The following ATP8B4 variants were observed in gnomAD, a reference collection of about 807,000 sequenced individuals.
The protein encoded by ATP8B4 is probable phospholipid-transporting ATPase IM.
A neutral mutation model predicts 145.6 loss-of-function variants in ATP8B4; 133 were observed. The ratio of observed to expected loss-of-function variants is 0.91; its 90% CI spans 0.79 to 1.05. The LOEUF (loss-of-function observed/expected upper bound fraction) is 1.05, where lower values mean the gene tolerates loss of function less well. Among genes scored for constraint, ATP8B4 ranks in the 50% least tolerant of loss-of-function variants. The pLI is 0.00. For missense variants in ATP8B4, 1,458 were observed against 1,425.2 expected, an observed-to-expected ratio of 1.02 and a Z score of -0.37; for synonymous variants, 507 against 492.9, an observed-to-expected ratio of 1.03 and a Z score of -0.38.
At chr15:50,027,043 C>T (rs1421557701) in intron 6 of ATP8B4, among the ~76,000 whole-genome samples, 2 of 152,156 alleles carry the variant, frequency 1.3e-5, no homozygotes, top group African/African-American at 4.8e-5. Flanking sequence ...TCTCACCCCA[C>T]CATTCCATTA....
chr15:50,109,679 G>A (rs56123457), intron 1 of ATP8B4, among the ~76,000 whole-genome samples: 12,803 of 151,698 alleles, frequency 0.084, 617 homozygotes, highest in Middle Eastern at 0.15. Context: ...GCGGCAATGA[G>A]AATGCAAGCA....
intron 6 of ATP8B4, among the ~76,000 whole-genome samples, chr15:50,015,147 AAAG>A (rs1271253428): frequency 1.3e-5 from 2 of 152,204 alleles, no homozygotes; most frequent in African/African-American, 2.4e-5. Context: ...GGAAATGTAA[AAAG>A]AAGTAAGTGC....
chr15:49,878,767 G>A (rs894817345), intron 24 of ATP8B4, among the ~76,000 whole-genome samples: 40 of 152,184 alleles, frequency 2.6e-4, no homozygotes, highest in African/African-American at 9.7e-4. Context: ...CCTTGGCCAT[G>A]GAGCTTCTCA....
At chr15:49,994,394 C>T (rs2047259738) in intron 9 of ATP8B4, among the ~76,000 whole-genome samples, 1 of 152,030 alleles carries the variant, frequency 6.6e-6, no homozygotes, top group Non-Finnish European at 1.5e-5. Context: ...TGACGCTAGT[C>T]TTCCTCTCGG....
chr15:49,978,255 C>T (rs539671010), intron 12 of ATP8B4, among the ~76,000 whole-genome samples: 135 of 152,190 alleles, frequency 8.9e-4, no homozygotes, highest in African/African-American at 3.1e-3. Flanking sequence ...GTAGCTCTTC[C>T]GGCAAAGAGC....
intron 23 of ATP8B4, among the ~76,000 whole-genome samples, chr15:49,889,253 C>T (rs1283128620): frequency 1.3e-5 from 2 of 152,156 alleles, no homozygotes; most frequent in African/African-American, 2.4e-5. Flanking sequence ...ACCGCTGATC[C>T]TCAGCTCCTG....
chr15:49,879,046 C>G (rs2034961735), intron 24 of ATP8B4, among the ~76,000 whole-genome samples: 1 of 152,174 alleles, frequency 6.6e-6, no homozygotes, highest in African/African-American at 2.4e-5. Context: ...AAAACATATA[C>G]AGTCATAGAA....
intron 26 of ATP8B4, among the ~76,000 whole-genome samples, chr15:49,865,949 A>T (rs2032716350): frequency 6.6e-6 from 1 of 152,202 alleles, no homozygotes; most frequent in South Asian, 2.1e-4. Context: ...AATAAGTTCT[A>T]TGGGTGAATT....
At chr15:50,068,483 G>A (rs1016820081) in intron 3 of ATP8B4, among the ~76,000 whole-genome samples, 1 of 152,072 alleles carries the variant, frequency 6.6e-6, no homozygotes, top group Non-Finnish European at 1.5e-5. Context: ...TTTTAGGTGG[G>A]ACTCTTTCTT....
chr15:50,011,602 A>AT (rs2048727017), intron 6 of ATP8B4, among the ~76,000 whole-genome samples: 1 of 152,136 alleles, frequency 6.6e-6, no homozygotes. Flanking sequence ...CCCAGTTCAA[A>AT]GGGGTTTATT....
chr15:49,958,204 T>A (rs1368039468), intron 14 of ATP8B4, among the ~76,000 whole-genome samples: 1 of 151,260 alleles, frequency 6.6e-6, no homozygotes, highest in East Asian at 1.9e-4. Context: ...GATAAAATAA[T>A]CATATAAAAA....
Position 50,006,489 on chromosome 15 carries a change from C to CAAAAAAAAAAAAAAAAAA in ATP8B4, c.436-4284_436-4267dup. Among the ~76,000 whole-genome samples the CAAAAAAAAAAAAAAAAAA allele has an allele frequency of 4.2e-5, 2 of 47,858 alleles. 1 individual carries two copies. Among genetic ancestry groups the CAAAAAAAAAAAAAAAAAA allele is most frequent in the Non-Finnish European group, 9.0e-5 (2 of 22,282 alleles). 31.4% of individuals were successfully genotyped at this position (47,858 alleles called of 152,430 possible). ...AGAGCAATGAGGGCAATGAGACCAC[C>CAAAAAAAAAAAAAAAAAA]AAAAAAAAAAAAAAAAAAAAAGGCC... On this transcript the variant is annotated intron_variant, in intron 7 of 27. Transcript: ENST00000284509.
intron 19 of ATP8B4, 47 bp downstream of exon 19, chr15:49,918,792 T>C: frequency 1.4e-6 from 2 of 1,386,000 alleles, no homozygotes; most frequent in Non-Finnish European, 1.0e-6. Flanking sequence ...GTGATATAAG[T>C]CATCTCCCCA....
intron 2 of ATP8B4, among the ~76,000 whole-genome samples, chr15:50,084,187 C>T (rs374746100): frequency 4.6e-5 from 7 of 151,996 alleles, no homozygotes; most frequent in South Asian, 2.1e-4. Flanking sequence ...CCATCTAAGA[C>T]GGGGTAAAAA....
chr15:50,012,995 G>A (rs1220156310), intron 6 of ATP8B4, among the ~76,000 whole-genome samples: 1 of 152,068 alleles, frequency 6.6e-6, no homozygotes, highest in Non-Finnish European at 1.5e-5. Flanking sequence ...TGCTGAATAA[G>A]CATAAACTGA....
intron 14 of ATP8B4, among the ~76,000 whole-genome samples, chr15:49,944,480 A>T (rs2042405897): frequency 6.6e-6 from 1 of 152,166 alleles, no homozygotes; most frequent in Non-Finnish European, 1.5e-5. Context: ...ACAAATATGG[A>T]CATTTCATAA....
chr15:50,115,302 C>T (rs2057130956), intron 1 of ATP8B4, among the ~76,000 whole-genome samples: 1 of 152,004 alleles, frequency 6.6e-6, no homozygotes, highest in Admixed American at 6.6e-5. Flanking sequence ...TGCCACTTCA[C>T]TCCAGCCTGG....
intron 1 of ATP8B4, among the ~76,000 whole-genome samples, chr15:50,152,303 T>C (rs1207394932): frequency 6.6e-6 from 1 of 152,160 alleles, no homozygotes; most frequent in Non-Finnish European, 1.5e-5. Context: ...CTGATGGAAG[T>C]GGATTACAAT....
In ATP8B4 at chr15:49,955,180, T is replaced by C. The variant is rs148674540; in HGVS notation, c.1287+6797A>G. On this transcript the variant is annotated intron_variant, in intron 14 of 27. Transcript: ENST00000284509. ...CCAGTGGGAATTACTAGAGGTAGCA[T>C]AGAGAGAGGAGAACAGGAGCTGAAA... 1.1e-3 allele frequency among the ~76,000 whole-genome samples: 162 copies of C among 152,174 alleles called. 3 individuals carry two copies. In the East Asian group the frequency reaches 0.028, roughly 26 times the overall value.
Sources: allele counts gnomAD v4.1 joint callset (sites outside exome capture counted in the v4.1 genomes callset), GRCh38; gene constraint gnomAD v4.1.1; transcripts MANE v1.5; gene names NCBI Gene and HGNC (gene_info 2026-07-23, HGNC 2026-07-21).